The following CUBN variants were observed in gnomAD, a reference collection of about 807,000 sequenced individuals.
CUBN encodes the protein 460 kDa receptor.
A neutral mutation model predicts 405.3 loss-of-function variants in CUBN; 282 were observed. The observed-to-expected ratio is 0.70, with a 90% CI of 0.63 to 0.77. CUBN has a LOEUF of 0.77. Among genes scored for constraint, CUBN ranks in the 30% least tolerant of loss-of-function variants. CUBN has a pLI of 0.00. For missense variants in CUBN, 4,514 were observed against 4,475.2 expected (o/e 1.01, Z -0.25); for synonymous variants, 1,684 against 1,617.0 (o/e 1.04, Z -0.99).
intron 25 of CUBN, 116 bp downstream of exon 25, chr10:17,044,891 A>G (rs1300148700): frequency 1.9e-6 from 2 of 1,070,836 alleles, no homozygotes; most frequent in African/African-American, 1.6e-5. Context: ...TTGAATTTTT[A>G]TATGGATGTT....
At chr10:16,920,398 T>C (rs745671131) in intron 43 of CUBN, among the ~76,000 whole-genome samples, 2 of 152,198 alleles carry the variant, frequency 1.3e-5, no homozygotes, top group Non-Finnish European at 2.9e-5. Flanking sequence ...ACCAAATGAT[T>C]ATGGCACATG....
chr10:17,041,681 C>G (rs1210596210), intron 26 of CUBN, among the ~76,000 whole-genome samples: 8 of 151,800 alleles, frequency 5.3e-5, no homozygotes, highest in Admixed American at 3.3e-4. Context: ...TTTAAAAACC[C>G]AAAATCCTAT....
At chr10:17,033,342 A>G (rs1834823965) in intron 27 of CUBN, among the ~76,000 whole-genome samples, 1 of 152,094 alleles carries the variant, frequency 6.6e-6, no homozygotes, top group Non-Finnish European at 1.5e-5. Flanking sequence ...GTGCACTATA[A>G]TTGTCCCTCC....
In CUBN at chr10:16,844,345, C is replaced by T. The variant is rs1400373082; in HGVS notation, c.9664-3298G>A. Reference sequence around the variant, plus strand: ...CAGCCAGACAGTAATAAATGCCAGGCCATGGAAGTGTGAAATGCATGGCAC... The same window carrying T: ...CAGCCAGACAGTAATAAATGCCAGGTCATGGAAGTGTGAAATGCATGGCAC... On this transcript the variant is annotated intron_variant, in intron 60 of 66. Transcript: ENST00000377833. Among the ~76,000 whole-genome samples the T allele has an allele frequency of 2.0e-5, 3 of 151,852 alleles. No homozygotes were observed. The East Asian group carries it at 5.8e-4, about 29-fold the overall frequency.
intron 63 of CUBN, among the ~76,000 whole-genome samples, chr10:16,835,974 T>A (rs1208946428): frequency 6.6e-6 from 1 of 152,220 alleles, no homozygotes; most frequent in Non-Finnish European, 1.5e-5. Context: ...GGCATATTTT[T>A]AAAATCAACT....
chr10:16,867,678 T>A (rs1840226324), intron 59 of CUBN, among the ~76,000 whole-genome samples: 1 of 152,212 alleles, frequency 6.6e-6, no homozygotes, highest in Admixed American at 6.5e-5. Flanking sequence ...ATTCTCCACT[T>A]AAACCTTTTC....
chr10:17,007,144 G>A (rs1463831485), intron 28 of CUBN, among the ~76,000 whole-genome samples: 3 of 152,146 alleles, frequency 2.0e-5, no homozygotes, highest in African/African-American at 7.2e-5. Flanking sequence ...TTTTCACACA[G>A]CCTGCGGAAA....
intron 59 of CUBN, among the ~76,000 whole-genome samples, chr10:16,864,682 A>AT (rs1201103290): frequency 4.7e-5 from 3 of 63,988 alleles, no homozygotes; most frequent in South Asian, 4.7e-4. Context: ...TTTTAGATGG[A>AT]TTTTTTTGCT....
intron 56 of CUBN, among the ~76,000 whole-genome samples, chr10:16,879,034 G>A (rs1294490488): frequency 6.6e-6 from 1 of 152,214 alleles, no homozygotes; most frequent in Non-Finnish European, 1.5e-5. Flanking sequence ...ATTCATGCAT[G>A]AGATTTTGTG....
At chr10:16,869,413 C>T (rs1840283373) in intron 59 of CUBN, among the ~76,000 whole-genome samples, 2 of 151,912 alleles carry the variant, frequency 1.3e-5, no homozygotes, top group Non-Finnish European at 1.5e-5. Flanking sequence ...GATCCACCCG[C>T]CTCAACCTCC....
At chr10:17,072,049 A>G in intron 17 of CUBN, 78 bp from the exon 18 acceptor site, 2 of 1,111,788 alleles carry the variant, frequency 1.8e-6, no homozygotes, top group South Asian at 2.7e-5. Flanking sequence ...CTTGGAGATG[A>G]AAAAATGGCA....
chr10:16,989,508 C>T (rs1180468554), intron 29 of CUBN, among the ~76,000 whole-genome samples: 2 of 146,924 alleles, frequency 1.4e-5, no homozygotes, highest in East Asian at 2.0e-4. Context: ...CTATATAGTA[C>T]GTTATATAAT....
chr10:16,973,533 G>A (rs1833002154), intron 31 of CUBN, among the ~76,000 whole-genome samples: 1 of 152,170 alleles, frequency 6.6e-6, no homozygotes, highest in South Asian at 2.1e-4. Flanking sequence ...GTGCAGGTTT[G>A]CTATAGAGGT....
At chr10:16,989,590 T>TATACAC (rs150800534) in intron 29 of CUBN, among the ~76,000 whole-genome samples, 128 of 147,308 alleles carry the variant, frequency 8.7e-4, no homozygotes, top group Admixed American at 1.1e-3. Context: ...TATATATATA[T>TATACAC]ACACACACAC....
At chr10:16,911,732 A>C (rs1841741177) in intron 48 of CUBN, among the ~76,000 whole-genome samples, 1 of 152,248 alleles carries the variant, frequency 6.6e-6, no homozygotes, top group African/African-American at 2.4e-5. Context: ...AATAATTTCA[A>C]AGGTAAAAAA....
intron 47 of CUBN, among the ~76,000 whole-genome samples, chr10:16,914,431 C>T (rs535066765): frequency 5.3e-5 from 8 of 152,044 alleles, no homozygotes; most frequent in South Asian, 2.1e-4. Flanking sequence ...TCGTGGCGTG[C>T]GCCTGTAATC....
Position 17,045,939 on chromosome 10 carries a change from G to T in CUBN, c.3485C>A (p.Ser1162Ter). ...GACAGCTCTTTGCTATTTACCTGTT[G>T]ATGACCCATCCCAGTAAGCTGAGAA... is the stretch of plus-strand genomic sequence containing the variant. The part of the protein sequence containing the change: ...SGFSAYWDGS[S>*]TGCGGNLTTS... Residue 1162 changes from serine to a stop codon, truncating the protein, a stop_gained, in exon 24 of 67, where the codon TCA becomes TAA. Transcript: ENST00000377833. LOFTEE classifies it high-confidence loss of function. 1 of 1,613,826 alleles carries T rather than the reference G, an allele frequency of 6.2e-7. No homozygotes were observed. The highest frequency in any genetic ancestry group is 8.5e-7 in the Non-Finnish European group (1 of 1,179,900).
At position 16,918,667 on chromosome 10, in the gene CUBN, C is replaced by T. The variant is rs770159978; in HGVS notation, c.6955G>A (p.Asp2319Asn). 2.5e-6 allele frequency: 4 copies of T among 1,613,940 alleles called. No individual in the cohort carries two copies. In the East Asian group the frequency reaches 8.9e-5, roughly 36 times the overall value. Residue 2319 changes from aspartate (D) to asparagine (N), a missense_variant, in exon 45 of 67, where the codon GAC (aspartate) becomes AAC (asparagine). This residue lies in a region of CUBN where 1,613 missense variants were observed against 1,542.8 expected (regional missense o/e 1.05). Coordinates refer to ENST00000377833, the MANE Select transcript of CUBN (RefSeq NM_001081.4). ...AATCCCACATGTGTGGGGCTGTTGT[C>T]AGATCGAAATCTCAAATACATAACC... ...GEVMYLRFRS[D>N]NSPTHVGFKA...
intron 60 of CUBN, among the ~76,000 whole-genome samples, chr10:16,843,907 T>A (rs1290009715): frequency 6.6e-6 from 1 of 152,154 alleles, no homozygotes; most frequent in African/African-American, 2.4e-5. Context: ...AATAAAATAA[T>A]GGGAGTGTAT....
Sources: gnomAD v4.1 joint callset for allele counts (sites outside exome capture counted in the v4.1 genomes callset) on GRCh38, gnomAD v4.1.1 for gene constraint, gnomAD v4.1.1 regional missense constraint, MANE v1.5 for transcripts, NCBI Gene and HGNC (gene_info 2026-07-23, HGNC 2026-07-21) for gene names.